SFXN5: variants seen among roughly 807,000 people sequenced by gnomAD.
The protein encoded by SFXN5 is sideroflexin-5.
In SFXN5, 43 loss-of-function variants were observed where a neutral mutation model predicts 50.2. That is an observed-to-expected ratio of 0.86 (90% CI 0.67 to 1.11). The LOEUF (loss-of-function observed/expected upper bound fraction) is 1.11. Among genes scored for constraint, SFXN5 ranks in the 50% least tolerant of loss-of-function variants. SFXN5 has a pLI of 0.00. For missense variants in SFXN5, 463 were observed against 454.1 expected, an observed-to-expected ratio of 1.02 and a Z score of -0.18; for synonymous variants, 203 against 185.8, an observed-to-expected ratio of 1.09 and a Z score of -0.75.
At chr2:72,994,252 C>A (rs1342617668) in intron 9 of SFXN5, among the ~76,000 whole-genome samples, 1 of 152,172 alleles carries the variant, frequency 6.6e-6, no homozygotes, top group Non-Finnish European at 1.5e-5. Flanking sequence ...GTAGGCACTC[C>A]AGAAGTGCTA....
In SFXN5 at chr2:73,050,388, G is replaced by GCGCGCGCACACACACA; in HGVS notation, c.171+8139_171+8140insTGTGTGTGTGCGCGCG. On this transcript the variant is annotated intron_variant, in intron 2 of 13. Coordinates refer to ENST00000272433, the MANE Select transcript of SFXN5 (RefSeq NM_144579.3). Reference sequence around the variant, plus strand: ...GTGGAGGTAGCGCCGCAGCCACAGCGCACGCACACACACACACACACACAC... The same window carrying GCGCGCGCACACACACA: ...GTGGAGGTAGCGCCGCAGCCACAGCGCGCGCGCACACACACACACGCACACACACACACACACACAC... Among the ~76,000 whole-genome samples, 1,126 of 143,902 alleles carry GCGCGCGCACACACACA rather than the reference G, an allele frequency of 7.8e-3. 13 individuals are homozygous for GCGCGCGCACACACACA. The highest frequency in any genetic ancestry group is 0.028 in the African/African-American group (1,011 of 36,214). The allele number at this position is 143,902 out of a possible 152,430, so 94.4% of individuals were successfully genotyped here.
At chr2:73,053,856 C>G (rs537644223) in intron 2 of SFXN5, among the ~76,000 whole-genome samples, 107 of 152,256 alleles carry the variant, frequency 7.0e-4, no homozygotes, top group African/African-American at 2.6e-3. Context: ...TCCAGCTAAG[C>G]AGCAACCACC....
intron 11 of SFXN5, 113 bp downstream of exon 11, chr2:72,971,457 G>A (rs1559104606): frequency 1.4e-6 from 1 of 700,526 alleles, no homozygotes; most frequent in African/African-American, 1.8e-5. Flanking sequence ...GAGACATCAA[G>A]ATGCCAAAAT....
In SFXN5 at chr2:72,954,375, C is replaced by T. The variant is rs115342358; in HGVS notation, c.945+6756G>A. 2.0e-3 allele frequency among the ~76,000 whole-genome samples: 304 copies of T among 152,136 alleles called. 2 individuals carry two copies. The highest frequency in any genetic ancestry group is 6.9e-3 in the African/African-American group (287 of 41,484). ...GGGCAGGAACAGGTGGTGGGGGTAC[C>T]GGGGGAGGTCAGTTCTCTGCTGAGG... is the stretch of plus-strand genomic sequence containing the variant. On this transcript the variant is annotated intron_variant, in intron 13 of 13. Transcript: ENST00000272433.
chr2:73,016,609 G>C (rs1676179406), intron 6 of SFXN5, among the ~76,000 whole-genome samples: 1 of 152,168 alleles, frequency 6.6e-6, no homozygotes, highest in African/African-American at 2.4e-5. Context: ...GAAGGCTGAG[G>C]CAGGAGAATC....
At chr2:73,040,157 A>G (rs1284315747) in intron 3 of SFXN5, among the ~76,000 whole-genome samples, 6 of 152,172 alleles carry the variant, frequency 3.9e-5, no homozygotes, top group East Asian at 1.9e-4. Flanking sequence ...TTATGCACAC[A>G]TGACTTTGAA....
chr2:73,028,205 G>A (rs1264451277), intron 3 of SFXN5, among the ~76,000 whole-genome samples: 1 of 152,118 alleles, frequency 6.6e-6, no homozygotes, highest in Non-Finnish European at 1.5e-5. Context: ...CGTATTTCTC[G>A]GACATATCCC....
chr2:73,045,716 C>T (rs1680237485), intron 2 of SFXN5, among the ~76,000 whole-genome samples: 1 of 152,114 alleles, frequency 6.6e-6, no homozygotes, highest in Non-Finnish European at 1.5e-5. Flanking sequence ...CGCCTCCAAG[C>T]AGTGGGTCTC....
intron 10 of SFXN5, among the ~76,000 whole-genome samples, chr2:72,977,358 G>A (rs1383531857): frequency 6.6e-6 from 1 of 152,160 alleles, no homozygotes; most frequent in African/African-American, 2.4e-5. Context: ...CGATGTATAA[G>A]AGCTTTAACA....
chr2:72,948,275 A>G (rs978008568), intron 13 of SFXN5, among the ~76,000 whole-genome samples: 11 of 152,254 alleles, frequency 7.2e-5, no homozygotes, highest in Non-Finnish European at 1.6e-4. Context: ...CACCCTTCAG[A>G]CTGCACTAAT....
chr2:73,010,737 A>AT (rs917274713), intron 6 of SFXN5, among the ~76,000 whole-genome samples: 2 of 152,170 alleles, frequency 1.3e-5, no homozygotes, highest in African/African-American at 4.8e-5. Context: ...AAAAGAACAC[A>AT]TTTTTTAAAA....
intron 2 of SFXN5, among the ~76,000 whole-genome samples, chr2:73,055,578 G>T (rs1361521688): frequency 6.6e-6 from 1 of 151,250 alleles, no homozygotes; most frequent in African/African-American, 2.4e-5. Flanking sequence ...GAGAGGGGTG[G>T]ATTTCTTTTT....
chr2:73,051,716 T>C (rs957747136), intron 2 of SFXN5, among the ~76,000 whole-genome samples: 6 of 152,148 alleles, frequency 3.9e-5, no homozygotes, highest in African/African-American at 1.4e-4. Flanking sequence ...CACAGGCGGG[T>C]AATTTACAAA....
In SFXN5 at chr2:73,040,873, G is replaced by C; in HGVS notation, c.230C>G (p.Pro77Arg). Residue 77 changes from proline to arginine, a missense_variant, in exon 3 of 14, where the codon CCG becomes CGG. Transcript: ENST00000272433. ...LEDYKHGTLR[P>R]GVTNEQLWSA... ...AGTTACCTGTTCATTGGTGACCCCC[G>C]GGCGCAGGGTCCCATGCTTATAGTC... 1.9e-6 allele frequency: 3 copies of C among 1,612,476 alleles called. No individual in the cohort carries two copies. The highest frequency in any genetic ancestry group is 2.5e-6 in the Non-Finnish European group (3 of 1,179,390).
intron 1 of SFXN5, among the ~76,000 whole-genome samples, chr2:73,064,729 A>AG: frequency 6.6e-6 from 1 of 152,336 alleles, no homozygotes; most frequent in Non-Finnish European, 1.5e-5. Flanking sequence ...CTTGGTCCCC[A>AG]GCACACTCAT....
Position 72,944,919 on chromosome 2 carries a change from T to G in SFXN5, c.*103A>C. ...ACTCTCCCAGGGGGCCCAGGACTGCTGGGGTTGGCGTGCTGCTCCCTGCAG... is the reference window on the plus strand; with the variant it reads ...ACTCTCCCAGGGGGCCCAGGACTGCGGGGGTTGGCGTGCTGCTCCCTGCAG... On this transcript the variant is annotated 3_prime_UTR_variant, in exon 14 of 14. Transcript: ENST00000272433. The G allele has an allele frequency of 9.5e-7, 1 of 1,053,688 alleles. No homozygotes were observed. The highest frequency in any genetic ancestry group is 1.5e-5 in the South Asian group (1 of 68,082). The allele number at this position is 1,053,688 out of a possible 1,614,324, so 65.3% of individuals were successfully genotyped here. A position where few individuals can be genotyped will look rare whatever the true frequency, so the allele number is the denominator to read the frequency against.
chr2:73,040,848 A>C lies in SFXN5; in HGVS notation c.249+6T>G. 4 of 1,608,122 alleles carry C rather than the reference A, an allele frequency of 2.5e-6. No homozygotes were observed. The highest frequency in any genetic ancestry group is 3.4e-6 in the Non-Finnish European group (4 of 1,177,164). ...CTGGCCATGCTCCCACCTCCCACAG[A>C]GTTACCTGTTCATTGGTGACCCCCG... On this transcript the variant is annotated splice_donor_region_variant and intron_variant, in intron 3 of 13. Coordinates refer to ENST00000272433, the MANE Select transcript of SFXN5 (RefSeq NM_144579.3).
At chr2:73,050,392 G>GCACACACACACACACACACA (rs35090808) in intron 2 of SFXN5, among the ~76,000 whole-genome samples, 1 of 146,508 alleles carries the variant, frequency 6.8e-6, no homozygotes, top group African/African-American at 2.6e-5. Context: ...CACAGCGCAC[G>GCACACACACACACACACACA]CACACACACA....
chr2:73,041,969 G>A (rs569874318), intron 2 of SFXN5, among the ~76,000 whole-genome samples: 1 of 152,322 alleles, frequency 6.6e-6, no homozygotes, highest in African/African-American at 2.4e-5. Flanking sequence ...CCAAAGTGCT[G>A]AGACTACAGG....
Sources: allele counts gnomAD v4.1 joint callset (sites outside exome capture counted in the v4.1 genomes callset), GRCh38; gene constraint gnomAD v4.1.1; transcripts MANE v1.5; gene names NCBI Gene and HGNC (gene_info 2026-07-23, HGNC 2026-07-21).